PRICKLE3: variants seen among roughly 807,000 people sequenced by gnomAD.
PRICKLE3 encodes prickle planar cell polarity protein 3.
In PRICKLE3, 17 loss-of-function variants were observed where a neutral mutation model predicts 33.8. That is an observed-to-expected ratio of 0.50 (90% CI 0.34 to 0.75). PRICKLE3 has a LOEUF of 0.75. Ranked by LOEUF, PRICKLE3 falls within the 30% of genes least tolerant of loss-of-function variation. The pLI is 0.01. For synonymous variants in PRICKLE3, 211 were observed against 219.6 expected (o/e 0.96, Z 0.34); for missense variants, 573 against 576.7 (o/e 0.99, Z 0.07).
At chrX:49,185,571 C>T (rs1242929934) in intron 1 of PRICKLE3, among the ~76,000 whole-genome samples, 1 of 110,978 alleles carries the variant, frequency 9.0e-6, no homozygotes, top group African/African-American at 3.3e-5. Context: ...TCCATCCCTC[C>T]GTGCACATTC....
rs1557099803 is a variant in PRICKLE3 at position 49,175,725 on chromosome X, G to A, written c.1796C>T (p.Ser599Phe). ...NSPSLSLPRD[S>F]RAGMPRQARD... ...GGCCTGACGAGGCATCCCTGCGCGA[G>A]AGTCCCTGGGGAGCGATAAAGATGG... is the stretch of plus-strand genomic sequence containing the variant. The change falls in exon 9 of 9, where the codon TCT becomes TTT. Residue 599 changes from serine (S) to phenylalanine (F), a missense_variant. Ser to Phe is a radical substitution (Grantham distance 155). Coordinates refer to ENST00000599218, the MANE Select transcript of PRICKLE3 (RefSeq NM_006150.5). 1 of 1,211,947 alleles carries A rather than the reference G, an allele frequency of 8.3e-7. No homozygotes were observed. The highest frequency in any genetic ancestry group is 1.1e-6 in the Non-Finnish European group (1 of 895,544).
At position 49,177,090 on chromosome X, in the gene PRICKLE3, G is replaced by T. The variant is rs782011298; in HGVS notation, c.1068C>A (p.Arg356=). The T allele has an allele frequency of 8.3e-7, 1 of 1,204,205 alleles. No homozygotes were observed. Among genetic ancestry groups the T allele is most frequent in the South Asian group, 1.8e-5 (1 of 56,123 alleles). ...RALLGRPFLP[R]RGLIFCSRAC... Reference sequence around the variant, plus strand: ...CTCGAGAGCAGAAGATTAGGCCTCGGCGTGGCAGGAATGGGCGGCCCAGCA... The same window carrying T: ...CTCGAGAGCAGAAGATTAGGCCTCGTCGTGGCAGGAATGGGCGGCCCAGCA... The change falls in exon 8 of 9, where the codon CGC becomes CGA. Residue 356 remains arginine, a synonymous_variant. Transcript: ENST00000599218.
chrX:49,181,985 C>T (rs781909621), intron 3 of PRICKLE3, among the ~76,000 whole-genome samples: 5 of 105,652 alleles, frequency 4.7e-5, no homozygotes, highest in Admixed American at 4.1e-4. Flanking sequence ...CTTGCTCTGT[C>T]GCCCAGGCTG....
rs141273452 is a variant in PRICKLE3 at position 49,177,020 on chromosome X, G to C, written c.1138C>G (p.Arg380Gly). 2 of 1,209,636 alleles carry C rather than the reference G, an allele frequency of 1.7e-6. No homozygotes were observed. The highest frequency in any genetic ancestry group is 2.2e-6 in the Non-Finnish European group (2 of 894,291). ...SEPTAPGPSR[R>G]SWSAGPVTAP... ...GTGACAGGGCCGGCACTCCAGCTGC[G>C]GCGGCTCGGCCCTGGAGCTGTGGGC... Residue 380 changes from arginine (R) to glycine (G), a missense_variant, in exon 8 of 9, where the codon CGC becomes GGC. Coordinates refer to ENST00000599218, the MANE Select transcript of PRICKLE3 (RefSeq NM_006150.5).
At position 49,176,344 on chromosome X, in the gene PRICKLE3, C is replaced by A. The variant is rs1385524855; in HGVS notation, c.1256-79G>T. The A allele has an allele frequency of 5.3e-6, 4 of 751,609 alleles. No homozygotes were observed. The African/African-American group carries it at 8.8e-5, about 16-fold the overall frequency. 61.9% of individuals were successfully genotyped at this position (751,609 alleles called of 1,213,427 possible). The stretch of plus-strand genomic sequence containing the variant: ...TCCTAAGAGGAGGCCTGCGGAAGGG[C>A]CTTCTTTCCTCCACTAAGACTGGGA... On this transcript the variant is annotated intron_variant, in intron 8 of 8. Transcript: ENST00000599218.
intron 3 of PRICKLE3, among the ~76,000 whole-genome samples, chrX:49,181,614 T>A (rs138922557): frequency 3.5e-5 from 1 of 28,465 alleles, no homozygotes; most frequent in Non-Finnish European, 6.2e-5. Flanking sequence ...TATATATATA[T>A]GTGTATATAT....
intron 7 of PRICKLE3, among the ~76,000 whole-genome samples, chrX:49,177,659 C>T (rs889527839): frequency 2.6e-4 from 29 of 111,549 alleles, no homozygotes; most frequent in Non-Finnish European, 5.7e-5. Context: ...TAGGCTGATA[C>T]AGGAGAGTGG....
Position 49,178,122 on chromosome X carries a change from A to T in PRICKLE3, c.826T>A (p.Phe276Ile). The T allele has an allele frequency of 8.4e-7, 1 of 1,186,468 alleles. No individual in the cohort carries two copies. The change falls in exon 7 of 9, where the codon TTC (phenylalanine) becomes ATC (isoleucine). Residue 276 changes from phenylalanine to isoleucine, a missense_variant. By Grantham distance (21) the Phe-to-Ile change is conservative (BLOSUM62 0). Coordinates refer to ENST00000599218, the MANE Select transcript of PRICKLE3 (RefSeq NM_006150.5). ...GAAGCTTCACACTCAAAGCAGCAGAAGTGATCCATGTGCCAGTGGCGGCCC... is the reference window on the plus strand; with the variant it reads ...GAAGCTTCACACTCAAAGCAGCAGATGTGATCCATGTGCCAGTGGCGGCCC... ...AEGRHWHMDH[F>I]CCFECEASLG... is the part of the protein sequence containing the mutation.
chrX:49,174,818 C>T lies in PRICKLE3; in HGVS notation c.*855G>A. 1 of 621,417 alleles carries T rather than the reference C, an allele frequency of 1.6e-6. No individual in the cohort carries two copies. The highest frequency in any genetic ancestry group is 2.7e-6 in the Non-Finnish European group (1 of 374,149). 51.2% of individuals were successfully genotyped at this position (621,417 alleles called of 1,213,427 possible). ...CACCCCCTCTTTGAGGTAAAAGTGC[C>T]TTTATTGGGAGACTTTTGTCTTCCA... On this transcript the variant is annotated 3_prime_UTR_variant, in exon 9 of 9. Transcript: ENST00000599218.
intron 1 of PRICKLE3, among the ~76,000 whole-genome samples, chrX:49,185,627 T>TGGGGCCGGCA (rs2065479094): frequency 9.0e-6 from 1 of 110,845 alleles, no homozygotes. Flanking sequence ...TCGGCCAGGC[T>TGGGGCCGGCA]CGGTGGCTCA....
chrX:49,178,071 G>A lies in PRICKLE3; in HGVS notation c.877C>T (p.Arg293Cys), dbSNP rs781815124. Residue 293 changes from arginine to cysteine, a missense_variant, in exon 7 of 9, where the codon CGT (arginine) becomes TGT (cysteine). Transcript: ENST00000599218. ...ASLGGQRYVM[R>C]QSRPHCCACY... ...GCGCAGCAGTGGGGGCGGCTCTGAC[G>A]CATGACATAGCGCTGCCCTCCTAGT... 1.7e-5 allele frequency: 20 copies of A among 1,170,155 alleles called. No individual in the cohort carries two copies. The highest frequency in any genetic ancestry group is 2.3e-5 in the Non-Finnish European group (20 of 873,314).
intron 1 of PRICKLE3, among the ~76,000 whole-genome samples, chrX:49,185,770 G>T (rs1300997353): frequency 9.2e-6 from 1 of 109,131 alleles, no homozygotes; most frequent in Non-Finnish European, 1.9e-5. Flanking sequence ...GCGCGGTGGC[G>T]GGCGTCTGTA....
At chrX:49,183,563 T>G in intron 3 of PRICKLE3, 171 bp downstream of exon 3, 1 of 1,052,943 alleles carries the variant, frequency 9.5e-7, no homozygotes, top group Non-Finnish European at 1.3e-6. Flanking sequence ...TCACCCAAGG[T>G]ATGGGGGGCT....
At chrX:49,184,371 C>T (rs1405459991) in intron 2 of PRICKLE3, among the ~76,000 whole-genome samples, 1 of 111,314 alleles carries the variant, frequency 9.0e-6, no homozygotes, top group Non-Finnish European at 1.9e-5. Flanking sequence ...AAGAATCTCC[C>T]TAGGGATGCG....
chrX:49,183,445 G>T, intron 3 of PRICKLE3: 1 of 449,991 alleles, frequency 2.2e-6, no homozygotes, highest in Non-Finnish European at 3.5e-6. Flanking sequence ...TGCAGTCCCA[G>T]CTACAAGGGA....
At chrX:49,181,499 G>A (rs782203202) in intron 3 of PRICKLE3, among the ~76,000 whole-genome samples, 1 of 88,386 alleles carries the variant, frequency 1.1e-5, no homozygotes, top group Non-Finnish European at 2.2e-5. Context: ...ATACATATGT[G>A]TATATATATG....
At chrX:49,181,047 C>T (rs782649373) in intron 3 of PRICKLE3, among the ~76,000 whole-genome samples, 71 of 109,965 alleles carry the variant, frequency 6.5e-4, no homozygotes, top group African/African-American at 2.3e-3. Context: ...TTCTCCCACC[C>T]CCACAAGCAA....
chrX:49,176,750 G>C (rs782407117), intron 8 of PRICKLE3, among the ~76,000 whole-genome samples, 153 bp downstream of exon 8: 2 of 110,026 alleles, frequency 1.8e-5, no homozygotes, highest in Admixed American at 1.9e-4. Context: ...GACTGGTGTG[G>C]GGAAGGAGGA....
Position 49,175,585 on chromosome X carries a change from T to C in PRICKLE3, c.*88A>G. On this transcript the variant is annotated 3_prime_UTR_variant, in exon 9 of 9. Coordinates refer to ENST00000599218, the MANE Select transcript of PRICKLE3 (RefSeq NM_006150.5). ...GGAGGAAGAGGATTTATGACTTAGG[T>C]TGTAGGGGCGGGGCGTGGGGGTGAG... is the stretch of plus-strand genomic sequence containing the variant. The C allele has an allele frequency of 1.3e-6, 1 of 776,611 alleles. No individual in the cohort carries two copies. Among genetic ancestry groups the C allele is most frequent in the Non-Finnish European group, 1.8e-6 (1 of 549,078 alleles). 64.0% of individuals were successfully genotyped at this position (776,611 alleles called of 1,213,427 possible). A position where few individuals can be genotyped will look rare whatever the true frequency, so the allele number is the denominator to read the frequency against.
Sources: allele counts gnomAD v4.1 joint callset (sites outside exome capture counted in the v4.1 genomes callset), GRCh38; gene constraint gnomAD v4.1.1; transcripts MANE v1.5; gene names NCBI Gene and HGNC (gene_info 2026-07-23, HGNC 2026-07-21).